SLCO5A1: variants seen among roughly 807,000 people sequenced by gnomAD.
The protein encoded by SLCO5A1 is organic anion transporter polypeptide-related protein 4.
Under a neutral mutation model 65.1 loss-of-function variants are expected in SLCO5A1, and 39 were observed. The ratio of observed to expected loss-of-function variants is 0.60; its 90% CI spans 0.46 to 0.78. The LOEUF (loss-of-function observed/expected upper bound fraction) is 0.78, where lower values mean the gene tolerates loss of function less well. Among genes scored for constraint, SLCO5A1 ranks in the 30% least tolerant of loss-of-function variants. The pLI is 0.00. For missense variants in SLCO5A1, 1,029 were observed against 1,069.4 expected (o/e 0.96, Z 0.53); for synonymous variants, 438 against 415.7 (o/e 1.05, Z -0.65).
chr8:69,818,822 C>T (rs1820513254), intron 2 of SLCO5A1, among the ~76,000 whole-genome samples: 1 of 152,132 alleles, frequency 6.6e-6, no homozygotes, highest in African/African-American at 2.4e-5. Flanking sequence ...CTCAAACACA[C>T]ACAAAACTCA....
chr8:69,787,623 A>T (rs1819088499), intron 2 of SLCO5A1, among the ~76,000 whole-genome samples: 1 of 152,272 alleles, frequency 6.6e-6, no homozygotes, highest in Non-Finnish European at 1.5e-5. Flanking sequence ...CATTTCTGCA[A>T]CAAACGAACA....
chr8:69,763,958 C>G (rs898582153), intron 2 of SLCO5A1, among the ~76,000 whole-genome samples: 1 of 152,022 alleles, frequency 6.6e-6, no homozygotes, highest in African/African-American at 2.4e-5. Flanking sequence ...TCTGCTGCCC[C>G]GGTTCAAGCG....
chr8:69,786,770 G>C (rs892072087), intron 2 of SLCO5A1, among the ~76,000 whole-genome samples: 5 of 152,094 alleles, frequency 3.3e-5, no homozygotes. Flanking sequence ...GAACTGTCTA[G>C]GTAATTGAGG....
intron 4 of SLCO5A1, among the ~76,000 whole-genome samples, chr8:69,752,564 G>A (rs979049026): frequency 1.3e-5 from 2 of 152,068 alleles, no homozygotes; most frequent in African/African-American, 4.8e-5. Context: ...GGAAATCAAT[G>A]TATACAAGAT....
intron 5 of SLCO5A1, among the ~76,000 whole-genome samples, chr8:69,724,440 G>A (rs1405837863): frequency 1.3e-5 from 2 of 152,120 alleles, no homozygotes; most frequent in African/African-American, 4.8e-5. Flanking sequence ...AATAGAGATA[G>A]GAGAAGAATT....
At chr8:69,704,951 G>T (rs2130810112) in intron 6 of SLCO5A1, 80 bp downstream of exon 6, 2 of 1,334,488 alleles carry the variant, frequency 1.5e-6, no homozygotes, top group Non-Finnish European at 2.1e-6. Context: ...GGGGTATGAG[G>T]CTGACTGCAG....
At chr8:69,693,954 T>C (rs189013074) in intron 6 of SLCO5A1, among the ~76,000 whole-genome samples, 65 of 152,364 alleles carry the variant, frequency 4.3e-4, no homozygotes, top group African/African-American at 1.3e-3. Flanking sequence ...ACAGCCAGTA[T>C]GTGGCAAGGC....
chr8:69,830,157 C>A (rs1369541087), intron 2 of SLCO5A1, among the ~76,000 whole-genome samples: 13 of 152,086 alleles, frequency 8.5e-5, no homozygotes, highest in Admixed American at 8.5e-4. Context: ...ACCCATTGAA[C>A]CAGTTAGTGG....
intron 4 of SLCO5A1, among the ~76,000 whole-genome samples, chr8:69,742,047 A>G (rs1214257699): frequency 1.3e-5 from 2 of 152,138 alleles, no homozygotes; most frequent in African/African-American, 2.4e-5. Context: ...TCCTGTGGTT[A>G]TATAGGAGAG....
At chr8:69,744,360 G>C (rs1816933664) in intron 4 of SLCO5A1, among the ~76,000 whole-genome samples, 2 of 152,144 alleles carry the variant, frequency 1.3e-5, no homozygotes, top group African/African-American at 4.8e-5. Flanking sequence ...TCCATGGCAT[G>C]GTCTTCTTCA....
At chr8:69,830,177 A>C (rs1407500062) in intron 2 of SLCO5A1, among the ~76,000 whole-genome samples, 1 of 152,182 alleles carries the variant, frequency 6.6e-6, no homozygotes, top group Non-Finnish European at 1.5e-5. Context: ...GGGATTACTG[A>C]GGACTCAAAC....
At chr8:69,818,660 A>T (rs770155027) in intron 2 of SLCO5A1, among the ~76,000 whole-genome samples, 1 of 152,152 alleles carries the variant, frequency 6.6e-6, no homozygotes, top group Non-Finnish European at 1.5e-5. Context: ...AGGCACTAAA[A>T]CCCTTTGTTT....
At chr8:69,781,463 G>C (rs1383288083) in intron 2 of SLCO5A1, among the ~76,000 whole-genome samples, 1 of 152,158 alleles carries the variant, frequency 6.6e-6, no homozygotes, top group Admixed American at 6.5e-5. Flanking sequence ...GTTTATTCTT[G>C]AATTCAGAGA....
chr8:69,722,285 A>C (rs575858080), intron 5 of SLCO5A1, among the ~76,000 whole-genome samples: 1 of 152,348 alleles, frequency 6.6e-6, no homozygotes, highest in African/African-American at 2.4e-5. Context: ...GAGGGAAATA[A>C]GCCCTTATGA....
intron 2 of SLCO5A1, among the ~76,000 whole-genome samples, chr8:69,774,302 C>A (rs1818470324): frequency 6.6e-6 from 1 of 152,198 alleles, no homozygotes; most frequent in African/African-American, 2.4e-5. Context: ...GCCAATCCCA[C>A]CCCAATAGAG....
intron 2 of SLCO5A1, chr8:69,794,495 G>T: frequency 2.5e-6 from 1 of 406,822 alleles, no homozygotes. Flanking sequence ...GTTTGGTTCA[G>T]GTTCTTTTCT....
rs191806870 is a variant in SLCO5A1, at chr8:69,784,381, G to A, written c.908-22506C>T. ...TAGAATGACTAAAATTAGAAAGACT[G>A]ACCATATCAAGTAGTAGCAAGGATG... On this transcript the variant is annotated intron_variant, in intron 2 of 9. Coordinates refer to ENST00000260126, the MANE Select transcript of SLCO5A1 (RefSeq NM_030958.3). Among the ~76,000 whole-genome samples the A allele has an allele frequency of 2.9e-3, 438 of 152,260 alleles. 6 individuals carry two copies. Among genetic ancestry groups the A allele is most frequent in the Non-Finnish European group, 1.2e-3 (80 of 68,018 alleles).
intron 2 of SLCO5A1, among the ~76,000 whole-genome samples, chr8:69,819,154 C>G (rs1432580171): frequency 6.6e-6 from 1 of 152,108 alleles, no homozygotes; most frequent in African/African-American, 2.4e-5. Flanking sequence ...TACCTTCTCT[C>G]TGCCGCCACT....
chr8:69,754,641 T>C (rs1329419323), intron 4 of SLCO5A1, among the ~76,000 whole-genome samples: 4 of 152,212 alleles, frequency 2.6e-5, no homozygotes, highest in Non-Finnish European at 5.9e-5. Context: ...TTTCTGGAAT[T>C]AAAGGGACTT....
Sources: allele counts gnomAD v4.1 joint callset (sites outside exome capture counted in the v4.1 genomes callset), GRCh38; gene constraint gnomAD v4.1.1; transcripts MANE v1.5; gene names NCBI Gene and HGNC (gene_info 2026-07-23, HGNC 2026-07-21).